Variants in APP observed in about 807,000 individuals in gnomAD.
APP encodes amyloid beta precursor protein, also known as amyloid-beta precursor protein.
APP carries 31 observed loss-of-function variants against 101.4 expected under a neutral mutation model. The observed-to-expected ratio is 0.31, with a 90% CI of 0.23 to 0.41. The LOEUF is 0.41. APP is among the 10% of genes least tolerant of loss of function. The pLI is 1.00. For synonymous variants in APP, 366 were observed against 364.4 expected (o/e 1.00, Z -0.05); for missense variants, 839 against 1,003.7 (o/e 0.84, Z 2.22).
chr21:26,031,900 A>T (rs139101793), intron 5 of APP, among the ~76,000 whole-genome samples: 1 of 152,302 alleles, frequency 6.6e-6, no homozygotes, highest in Non-Finnish European at 1.5e-5. Context: ...GAGAAAACAG[A>T]TACATCTGCA....
chr21:26,064,482 T>C (rs1197010933), intron 3 of APP, among the ~76,000 whole-genome samples: 1 of 152,198 alleles, frequency 6.6e-6, no homozygotes, highest in Non-Finnish European at 1.5e-5. Context: ...GCCAAACTCC[T>C]ACTGACTGCA....
chr21:25,912,620 C>G (rs568108406), intron 13 of APP, among the ~76,000 whole-genome samples: 28 of 152,338 alleles, frequency 1.8e-4, no homozygotes, highest in Non-Finnish European at 3.2e-4. Context: ...CCAGCCTTCT[C>G]TGGACTTAAC....
At chr21:26,085,097 G>A (rs1247492266) in intron 3 of APP, among the ~76,000 whole-genome samples, 1 of 152,192 alleles carries the variant, frequency 6.6e-6, no homozygotes, top group Non-Finnish European at 1.5e-5. Flanking sequence ...ACTGTTGGGA[G>A]ATAAACACTG....
intron 8 of APP, 67 bp downstream of exon 8, chr21:25,997,293 T>C (rs888655959): frequency 2.8e-6 from 4 of 1,431,960 alleles, no homozygotes; most frequent in Non-Finnish European, 3.0e-6. Flanking sequence ...GTGATGATGC[T>C]GGAGTTATGT....
intron 11 of APP, among the ~76,000 whole-genome samples, chr21:25,964,196 G>A (rs2041698769): frequency 6.6e-6 from 1 of 152,148 alleles, no homozygotes; most frequent in South Asian, 2.1e-4. Flanking sequence ...ACATGACGCA[G>A]GAGCATCTAG....
rs138661774 is a variant in APP, at chr21:25,918,323, A to G, written c.1688-6361T>C. 3.9e-4 allele frequency among the ~76,000 whole-genome samples: 60 copies of G among 152,360 alleles called. No individual in the cohort carries two copies. In the East Asian group the frequency reaches 0.011, roughly 28 times the overall value. On this transcript the variant is annotated intron_variant, in intron 13 of 17. Coordinates refer to ENST00000346798, the MANE Select transcript of APP (RefSeq NM_000484.4). ...ACTGGATAAAGAAAATGTGGCACAT[A>G]TACACCATGGAATACTATGCAGCCA...
At chr21:25,993,325 A>T (rs950983819) in intron 8 of APP, among the ~76,000 whole-genome samples, 3 of 152,072 alleles carry the variant, frequency 2.0e-5, no homozygotes, top group African/African-American at 7.2e-5. Flanking sequence ...AGTACAAATA[A>T]CCTGTGTAGC....
intron 3 of APP, among the ~76,000 whole-genome samples, chr21:26,084,155 T>G (rs957187311): frequency 6.6e-6 from 1 of 151,046 alleles, no homozygotes; most frequent in African/African-American, 2.4e-5. Flanking sequence ...ATTGAGGCAA[T>G]TATGGAACTT....
At chr21:26,165,024 A>T (rs939898521) in intron 1 of APP, among the ~76,000 whole-genome samples, 1 of 152,232 alleles carries the variant, frequency 6.6e-6, no homozygotes, top group Admixed American at 6.5e-5. Flanking sequence ...AACCAATTGA[A>T]ATACACAATA....
chr21:26,030,352 G>A (rs952908250), intron 5 of APP, among the ~76,000 whole-genome samples: 16 of 152,146 alleles, frequency 1.1e-4, no homozygotes, highest in African/African-American at 3.9e-4. Context: ...ATATGGACAT[G>A]GTATCCAATG....
intron 3 of APP, among the ~76,000 whole-genome samples, chr21:26,072,585 G>A (rs891719600): frequency 6.6e-6 from 1 of 151,860 alleles, no homozygotes; most frequent in Non-Finnish European, 1.5e-5. Context: ...ATTTCCTAGG[G>A]ATTTATGCTT....
At chr21:26,097,005 G>A (rs1195824609) in intron 2 of APP, among the ~76,000 whole-genome samples, 1 of 152,168 alleles carries the variant, frequency 6.6e-6, no homozygotes, top group Non-Finnish European at 1.5e-5. Flanking sequence ...GTCTTGGGAT[G>A]TGCATTTGGA....
chr21:25,964,082 A>G (rs1051223197), intron 11 of APP, among the ~76,000 whole-genome samples: 5 of 152,206 alleles, frequency 3.3e-5, no homozygotes, highest in Non-Finnish European at 5.9e-5. Flanking sequence ...TAATCCACTT[A>G]GTTCATAAGG....
intron 11 of APP, among the ~76,000 whole-genome samples, chr21:25,971,708 T>C (rs1457903493): frequency 2.0e-5 from 3 of 152,154 alleles, no homozygotes; most frequent in Non-Finnish European, 4.4e-5. Flanking sequence ...GCATTAACAG[T>C]GCTTGGTGTT....
At chr21:26,089,634 G>A (rs1190056780) in intron 3 of APP, 2 of 240,052 alleles carry the variant, frequency 8.3e-6, no homozygotes, top group Non-Finnish European at 1.7e-5. Context: ...TATGCGATAC[G>A]GTAAAATAAG....
rs1031223824 is a variant in APP at position 25,921,041 on chromosome 21, G to A, written c.1688-9079C>T. 1.1e-4 allele frequency among the ~76,000 whole-genome samples: 16 copies of A among 146,852 alleles called. 1 individual carries two copies. The highest frequency in any genetic ancestry group is 4.2e-4 in the African/African-American group (16 of 37,912). Reference sequence around the variant, plus strand: ...ATAACAAACTATCTCTCCGACCACAGTGCAATCAAACTAGAACTCAGGATT... The same window carrying A: ...ATAACAAACTATCTCTCCGACCACAATGCAATCAAACTAGAACTCAGGATT... On this transcript the variant is annotated intron_variant, in intron 13 of 17. Coordinates refer to ENST00000346798, the MANE Select transcript of APP (RefSeq NM_000484.4).
chr21:26,046,398 A>T (rs2045611015), intron 5 of APP, among the ~76,000 whole-genome samples: 1 of 151,728 alleles, frequency 6.6e-6, no homozygotes, highest in Non-Finnish European at 1.5e-5. Context: ...CAACAAGAGC[A>T]AAAACTTCAT....
Position 26,140,103 on chromosome 21 carries a change from T to C in APP, c.58-27957A>G, listed in dbSNP as rs1339025204. ...TACTGTCTGAGAACAGAGTTTCATC[T>C]TACCCAAATACAGACTAAAAACAAT... On this transcript the variant is annotated intron_variant, in intron 1 of 17. Transcript: ENST00000346798. The C allele has an allele frequency of 2.3e-6, 3 of 1,318,424 alleles. No individual in the cohort carries two copies. The African/African-American group carries it at 4.4e-5, about 19-fold the overall frequency. 81.7% of individuals were successfully genotyped at this position (1,318,424 alleles called of 1,614,324 possible).
chr21:26,020,125 A>T (rs1173574592), intron 6 of APP, among the ~76,000 whole-genome samples: 1 of 152,236 alleles, frequency 6.6e-6, no homozygotes, highest in Non-Finnish European at 1.5e-5. Context: ...TAAAAGCTCA[A>T]GTTAAAGAAA....
Sources: allele counts gnomAD v4.1 joint callset (sites outside exome capture counted in the v4.1 genomes callset), GRCh38; gene constraint gnomAD v4.1.1; transcripts MANE v1.5; gene names NCBI Gene and HGNC (gene_info 2026-07-23, HGNC 2026-07-21).